The following NRG3 variants were observed in gnomAD, a reference collection of about 807,000 sequenced individuals.
NRG3 encodes neuregulin 3.
NRG3 carries 31 observed loss-of-function variants against 66.9 expected under a neutral mutation model. The ratio of observed to expected loss-of-function variants is 0.46; its 90% CI spans 0.35 to 0.63. NRG3 has a LOEUF of 0.63. NRG3 is among the 20% of genes least tolerant of loss of function. The pLI, the probability that NRG3 is intolerant of heterozygous loss-of-function variation, is 0.00. For missense variants in NRG3, 910 were observed against 878.9 expected (o/e 1.04, Z -0.45); for synonymous variants, 393 against 359.4 (o/e 1.09, Z -1.06).
At chr10:82,307,115 T>C (rs1237012778) in intron 1 of NRG3, among the ~76,000 whole-genome samples, 2 of 152,176 alleles carry the variant, frequency 1.3e-5, no homozygotes, top group Non-Finnish European at 2.9e-5. Context: ...TTTTTGTTAA[T>C]ATCCGATAGG....
intron 2 of NRG3, among the ~76,000 whole-genome samples, chr10:82,580,979 T>G (rs903807892): frequency 6.6e-6 from 1 of 151,464 alleles, no homozygotes; most frequent in Non-Finnish European, 1.5e-5. Flanking sequence ...CCTAGGAGCT[T>G]GATTGCTGAC....
intron 2 of NRG3, among the ~76,000 whole-genome samples, chr10:82,534,877 T>C (rs550140671): frequency 6.6e-5 from 10 of 151,828 alleles, no homozygotes; most frequent in Admixed American, 1.3e-4. Flanking sequence ...AAAATATACA[T>C]TGAGGCCAGG....
At chr10:82,050,773 C>G (rs548294527) in intron 1 of NRG3, among the ~76,000 whole-genome samples, 1 of 151,996 alleles carries the variant, frequency 6.6e-6, no homozygotes, top group African/African-American at 2.4e-5. Context: ...CCATCTCTAC[C>G]CCTTGCTTCC....
intron 3 of NRG3, among the ~76,000 whole-genome samples, chr10:82,787,919 A>G (rs1257260112): frequency 6.6e-6 from 1 of 152,164 alleles, no homozygotes; most frequent in African/African-American, 2.4e-5. Context: ...TCCAGGCATA[A>G]CAGACCTAGG....
intron 2 of NRG3, among the ~76,000 whole-genome samples, chr10:82,693,219 T>C (rs969991010): frequency 6.6e-6 from 1 of 152,200 alleles, no homozygotes; most frequent in Admixed American, 6.5e-5. Flanking sequence ...CTAAGTAATG[T>C]GATACATGAT....
chr10:82,611,364 C>A (rs1386966860), intron 2 of NRG3, among the ~76,000 whole-genome samples: 2 of 151,874 alleles, frequency 1.3e-5, no homozygotes, highest in Admixed American at 1.3e-4. Flanking sequence ...GTTTGCTGCA[C>A]CCATCAACTC....
At chr10:82,974,830 A>G (rs995407887) in intron 7 of NRG3, among the ~76,000 whole-genome samples, 4 of 152,230 alleles carry the variant, frequency 2.6e-5, no homozygotes, top group Non-Finnish European at 2.9e-5. Context: ...AACATACATG[A>G]TAGAAGAAAA....
intron 2 of NRG3, among the ~76,000 whole-genome samples, chr10:82,522,337 G>T (rs1052018832): frequency 1.3e-5 from 2 of 152,040 alleles, no homozygotes; most frequent in African/African-American, 2.4e-5. Context: ...GAGCCACTGC[G>T]CCTGGCCTCC....
intron 1 of NRG3, among the ~76,000 whole-genome samples, chr10:82,039,524 T>A (rs1054769639): frequency 6.6e-6 from 1 of 152,060 alleles, no homozygotes; most frequent in South Asian, 2.1e-4. Context: ...AGCAAGTTAG[T>A]GTGATGATTA....
At chr10:82,214,857 T>G (rs2075583117) in intron 1 of NRG3, among the ~76,000 whole-genome samples, 1 of 152,206 alleles carries the variant, frequency 6.6e-6, no homozygotes, top group Non-Finnish European at 1.5e-5. Flanking sequence ...TTTCCTCAGA[T>G]GCTAGTCTGA....
intron 1 of NRG3, among the ~76,000 whole-genome samples, chr10:81,945,493 A>G (rs914932032): frequency 3.3e-5 from 5 of 152,172 alleles, no homozygotes; most frequent in Admixed American, 6.6e-5. Context: ...TTGCCCATAA[A>G]TGCATTCTGG....
intron 2 of NRG3, among the ~76,000 whole-genome samples, chr10:82,658,292 A>G (rs2052034556): frequency 6.6e-6 from 1 of 152,158 alleles, no homozygotes; most frequent in Non-Finnish European, 1.5e-5. Flanking sequence ...ACTAACTATA[A>G]TAAAACATAT....
At chr10:82,265,836 G>C (rs2078268001) in intron 1 of NRG3, among the ~76,000 whole-genome samples, 1 of 152,030 alleles carries the variant, frequency 6.6e-6, no homozygotes, top group Admixed American at 6.6e-5. Context: ...TGCATTTTAG[G>C]GTATGAAGAA....
chr10:82,536,831 GC>G (rs1443928877), intron 2 of NRG3, among the ~76,000 whole-genome samples: 2 of 151,560 alleles, frequency 1.3e-5, no homozygotes, highest in East Asian at 3.9e-4. Flanking sequence ...TTCTTATAGT[GC>G]AAATTATTAA....
At chr10:81,885,888 A>G (rs1842572216) in intron 1 of NRG3, among the ~76,000 whole-genome samples, 1 of 152,160 alleles carries the variant, frequency 6.6e-6, no homozygotes, top group Admixed American at 6.6e-5. Context: ...AAATCTAGAG[A>G]CACCAGAATT....
intron 1 of NRG3, among the ~76,000 whole-genome samples, chr10:82,129,179 C>T (rs1423589645): frequency 1.3e-5 from 2 of 152,000 alleles, no homozygotes; most frequent in African/African-American, 4.8e-5. Context: ...TCCCAAAGTG[C>T]TGGGATTACA....
intron 3 of NRG3, among the ~76,000 whole-genome samples, chr10:82,848,909 T>C (rs866947435): frequency 2.6e-4 from 39 of 152,194 alleles, no homozygotes; most frequent in African/African-American, 9.4e-4. Flanking sequence ...TCTGCCATGA[T>C]TGTGAGGCCT....
chr10:82,171,364 T>C (rs549067345), intron 1 of NRG3, among the ~76,000 whole-genome samples: 8 of 112,862 alleles, frequency 7.1e-5, no homozygotes, highest in African/African-American at 2.1e-4. Context: ...AGCCACACCT[T>C]CCAGGATTTA....
intron 3 of NRG3, among the ~76,000 whole-genome samples, chr10:82,771,157 T>A (rs1392154250): frequency 6.6e-6 from 1 of 152,256 alleles, no homozygotes; most frequent in Non-Finnish European, 1.5e-5. Flanking sequence ...CTGGTATAAA[T>A]TTGTTATACT....
Sources: gnomAD v4.1 joint callset for allele counts (sites outside exome capture counted in the v4.1 genomes callset) on GRCh38, gnomAD v4.1.1 for gene constraint, MANE v1.5 for transcripts, NCBI Gene and HGNC (gene_info 2026-07-23, HGNC 2026-07-21) for gene names.